The following FBXW11 variants were observed in gnomAD, a reference collection of about 807,000 sequenced individuals.
FBXW11 encodes F-box and WD repeat domain containing 11.
Under a neutral mutation model 77.6 loss-of-function variants are expected in FBXW11, and 19 were observed. The observed-to-expected ratio is 0.24, with a 90% CI of 0.17 to 0.36. FBXW11 has a LOEUF of 0.36. Among genes scored for constraint, FBXW11 ranks in the 10% least tolerant of loss-of-function variants. The pLI, the probability that FBXW11 is intolerant of heterozygous loss-of-function variation, is 1.00. For synonymous variants in FBXW11, 235 were observed against 249.4 expected (o/e 0.94, Z 0.54); for missense variants, 334 against 704.2 (o/e 0.47, Z 5.95).
chr5:171,922,962 T>A (rs1360207594), intron 2 of FBXW11, among the ~76,000 whole-genome samples: 2 of 152,158 alleles, frequency 1.3e-5, no homozygotes, highest in African/African-American at 4.8e-5. Context: ...CTGCCCAGGC[T>A]AGAGTGCAGT....
Position 171,876,913 on chromosome 5 carries a change from CAGA to C in FBXW11, c.972-382_972-380del, listed in dbSNP as rs1391826763. Among the ~76,000 whole-genome samples the C allele has an allele frequency of 6.6e-6, 1 of 152,192 alleles. No homozygotes were observed. Among genetic ancestry groups the C allele is most frequent in the Admixed American group, 6.5e-5 (1 of 15,284 alleles). On this transcript the variant is annotated intron_variant, in intron 8 of 13. Coordinates refer to ENST00000517395, the MANE Select transcript of FBXW11 (RefSeq NM_001378974.1). This position sits in a 1 kb window ranked among gnomAD's most constrained non-coding sequence, Gnocchi z 4.2. ...AGTAGAAGTAGCTCGAAGCCCTCAT[CAGA>C]AGTAGATGCTGGTGCCATGCTTCTT...
intron 2 of FBXW11, among the ~76,000 whole-genome samples, chr5:171,947,737 G>A (rs1468278227): frequency 6.6e-6 from 1 of 152,080 alleles, no homozygotes; most frequent in Non-Finnish European, 1.5e-5. Context: ...GGAACATAGG[G>A]AGACGCCATC....
chr5:171,863,583 T>A lies in FBXW11; in HGVS notation c.*544A>T, dbSNP rs1188003457. 1 of 152,426 alleles carries A rather than the reference T, an allele frequency of 6.6e-6. No homozygotes were observed. Among genetic ancestry groups the A allele is most frequent in the Non-Finnish European group, 1.5e-5 (1 of 68,022 alleles). 9.4% of individuals were successfully genotyped at this position (152,426 alleles called of 1,614,324 possible). On this transcript the variant is annotated 3_prime_UTR_variant, in exon 14 of 14. Transcript: ENST00000517395. ...TATTACTAAAACAATCCAGAGAAAA[T>A]TTTCCACTGTCCAACATGTTCCTAA...
intron 2 of FBXW11, among the ~76,000 whole-genome samples, chr5:171,952,449 T>TATATATATATATATATATA (rs1561716455): frequency 9.1e-5 from 1 of 10,932 alleles, no homozygotes; most frequent in Non-Finnish European, 3.2e-4. Context: ...ATATATATAT[T>TATATATATATATATATATA]TTTTTTTTTT....
chr5:171,907,358 A>G (rs1760592381), intron 4 of FBXW11, among the ~76,000 whole-genome samples: 1 of 152,206 alleles, frequency 6.6e-6, no homozygotes, highest in African/African-American at 2.4e-5. Context: ...CCTCAAACTC[A>G]AGATGATGTA....
At chr5:171,928,871 A>T (rs1762019319) in intron 2 of FBXW11, among the ~76,000 whole-genome samples, 1 of 152,060 alleles carries the variant, frequency 6.6e-6, no homozygotes, top group Admixed American at 6.6e-5. Context: ...TCAGGAGTTC[A>T]AGACCAGCCT....
intron 4 of FBXW11, among the ~76,000 whole-genome samples, chr5:171,905,203 T>C (rs928726802): frequency 6.6e-6 from 1 of 152,200 alleles, no homozygotes; most frequent in Non-Finnish European, 1.5e-5. Flanking sequence ...AAAAACTAGG[T>C]TGCATCTCAG....
chr5:171,967,941 C>A (rs182707827), intron 1 of FBXW11, among the ~76,000 whole-genome samples: 21 of 150,308 alleles, frequency 1.4e-4, no homozygotes, highest in African/African-American at 4.7e-4. Context: ...GAATTAAACA[C>A]AGGTGATTTT....
chr5:171,965,593 C>T (rs986591478), intron 1 of FBXW11, among the ~76,000 whole-genome samples: 8 of 151,178 alleles, frequency 5.3e-5, no homozygotes, highest in African/African-American at 1.9e-4. Context: ...TGGATCTTCA[C>T]TGTAATCTCT....
At chr5:171,975,651 A>C (rs1320951171) in intron 1 of FBXW11, among the ~76,000 whole-genome samples, 2 of 152,226 alleles carry the variant, frequency 1.3e-5, no homozygotes, top group Non-Finnish European at 1.5e-5. Context: ...TCCCATGCTA[A>C]AATGTGGAAA....
chr5:171,873,109 G>A, intron 9 of FBXW11, 119 bp from the exon 10 acceptor site: 1 of 828,734 alleles, frequency 1.2e-6, no homozygotes, highest in East Asian at 2.7e-5. Flanking sequence ...ATAAAATACG[G>A]TGTCCTCTAA....
chr5:171,972,999 A>G (rs1367581217), intron 1 of FBXW11, among the ~76,000 whole-genome samples: 1 of 152,226 alleles, frequency 6.6e-6, no homozygotes, highest in Non-Finnish European at 1.5e-5. Flanking sequence ...AGAAGAACGC[A>G]TATGCACAGA....
intron 1 of FBXW11, among the ~76,000 whole-genome samples, chr5:171,983,626 T>C (rs1326602482): frequency 6.6e-6 from 1 of 152,064 alleles, no homozygotes; most frequent in East Asian, 1.9e-4. Context: ...TCACTAGTGG[T>C]GGAGAGAAAC....
At chr5:171,976,206 G>C (rs1326809286) in intron 1 of FBXW11, among the ~76,000 whole-genome samples, 1 of 152,130 alleles carries the variant, frequency 6.6e-6, no homozygotes, top group Non-Finnish European at 1.5e-5. Context: ...ATCTGGTTTA[G>C]AACCAGAGAG....
At chr5:172,005,181 G>A (rs1488489656) in intron 1 of FBXW11, among the ~76,000 whole-genome samples, 1 of 152,180 alleles carries the variant, frequency 6.6e-6, no homozygotes, top group African/African-American at 2.4e-5. Flanking sequence ...TGGAATCACT[G>A]ACTCAATAAA....
intron 1 of FBXW11, among the ~76,000 whole-genome samples, chr5:171,980,542 T>A (rs1482319280): frequency 1.3e-5 from 2 of 152,218 alleles, no homozygotes; most frequent in Non-Finnish European, 2.9e-5. Flanking sequence ...CAATTTTTTT[T>A]ATAAAGTCAA....
intron 6 of FBXW11, among the ~76,000 whole-genome samples, chr5:171,898,481 A>T (rs934551978): frequency 6.6e-6 from 1 of 152,224 alleles, no homozygotes; most frequent in African/African-American, 2.4e-5. Context: ...AAGTTTACAG[A>T]GTTTTACTGG....
chr5:171,916,113 T>G (rs913875348), intron 2 of FBXW11, among the ~76,000 whole-genome samples: 1 of 151,478 alleles, frequency 6.6e-6, no homozygotes, highest in Non-Finnish European at 1.5e-5. Flanking sequence ...GGTGGGGGGA[T>G]AGCATTAGGA....
intron 1 of FBXW11, among the ~76,000 whole-genome samples, chr5:171,999,962 C>T (rs1440858967): frequency 1.3e-5 from 2 of 152,146 alleles, no homozygotes. Context: ...AGAACTCTTC[C>T]ATCTTTTAGT....
Sources: gnomAD v4.1 joint callset for allele counts (sites outside exome capture counted in the v4.1 genomes callset) on GRCh38, gnomAD v4.1.1 for gene constraint, Gnocchi (gnomAD v3.1) non-coding constraint, MANE v1.5 for transcripts, NCBI Gene and HGNC (gene_info 2026-07-23, HGNC 2026-07-21) for gene names.